Variants in AUTS2 observed in about 807,000 individuals in gnomAD.
AUTS2 encodes the protein activator of transcription and developmental regulator AUTS2, also known as autism susceptibility gene 2 protein.
A neutral mutation model predicts 112.4 loss-of-function variants in AUTS2; 17 were observed. The ratio of observed to expected loss-of-function variants is 0.15; its 90% CI spans 0.10 to 0.23. AUTS2 has a LOEUF of 0.23. Ranked by LOEUF, AUTS2 falls within the 10% of genes least tolerant of loss-of-function variation. The pLI is 1.00. For synonymous variants in AUTS2, 751 were observed against 702.7 expected (o/e 1.07, Z -1.09); for missense variants, 1,510 against 1,701.6 (o/e 0.89, Z 1.98).
chr7:70,524,447 T>C (rs1319085314), intron 5 of AUTS2, among the ~76,000 whole-genome samples: 1 of 152,190 alleles, frequency 6.6e-6, no homozygotes, highest in African/African-American at 2.4e-5. Flanking sequence ...TTGATAAATA[T>C]TTATCTTGTT....
At chr7:70,600,440 T>C (rs2129529814) in intron 5 of AUTS2, among the ~76,000 whole-genome samples, 1 of 152,192 alleles carries the variant, frequency 6.6e-6, no homozygotes, top group Non-Finnish European at 1.5e-5. Context: ...CACTCCTGGC[T>C]AATTTTTGTA....
chr7:70,209,941 T>G (rs1810770030), intron 4 of AUTS2, among the ~76,000 whole-genome samples: 2 of 151,894 alleles, frequency 1.3e-5, no homozygotes, highest in Admixed American at 1.3e-4. Flanking sequence ...AATCCCCCCC[T>G]CCACCATGAT....
intron 2 of AUTS2, among the ~76,000 whole-genome samples, chr7:69,908,952 G>C (rs1795250179): frequency 6.6e-6 from 1 of 152,186 alleles, no homozygotes; most frequent in South Asian, 2.1e-4. Flanking sequence ...CCTTGGCATA[G>C]TCCATTGGGT....
chr7:70,381,478 C>T lies in AUTS2; in HGVS notation c.661-54274C>T, dbSNP rs141821751. ...TGAGAAAGTACAACATTAAGCAAGC[C>T]TTGGGAGAAAAATTTCCCAGCATTC... On this transcript the variant is annotated intron_variant, in intron 4 of 18. Transcript: ENST00000342771. Among the ~76,000 whole-genome samples the T allele has an allele frequency of 7.8e-3, 1,189 of 152,238 alleles. 10 individuals carry two copies. Among genetic ancestry groups the T allele is most frequent in the Middle Eastern group, 0.055 (16 of 292 alleles).
At chr7:70,296,938 C>A (rs1412116036) in intron 4 of AUTS2, among the ~76,000 whole-genome samples, 1 of 148,770 alleles carries the variant, frequency 6.7e-6, no homozygotes, top group Non-Finnish European at 1.5e-5. Flanking sequence ...ACTGCTTGGG[C>A]TCAAGTGATT....
chr7:70,150,157 G>A (rs1807351531), intron 4 of AUTS2, among the ~76,000 whole-genome samples: 2 of 152,038 alleles, frequency 1.3e-5, no homozygotes, highest in African/African-American at 2.4e-5. Context: ...GTTTAATTTA[G>A]TACATTTAAA....
chr7:70,790,854 C>G lies in AUTS2; in HGVS notation c.3638C>G (p.Pro1213Arg). The G allele has an allele frequency of 6.2e-7, 1 of 1,606,816 alleles. No homozygotes were observed. Among genetic ancestry groups the G allele is most frequent in the Non-Finnish European group, 8.5e-7 (1 of 1,176,300 alleles). The change falls in exon 19 of 19, where the codon CCG becomes CGG. Residue 1213 changes from proline to arginine, a missense_variant. Coordinates refer to ENST00000342771, the MANE Select transcript of AUTS2 (RefSeq NM_015570.4). The surrounding 1 kb of genome is among the most constrained non-coding windows in gnomAD (Gnocchi z 7.6). Reference sequence around the variant, plus strand: ...AACGGACTCCTCAACAAGACCCCTCCGACAGCAGCGCTGAGCGCACCTCCC... The same window carrying G: ...AACGGACTCCTCAACAAGACCCCTCGGACAGCAGCGCTGAGCGCACCTCCC... ...NQNGLLNKTP[P>R]TAALSAPPPL... is the part of the protein sequence containing the mutation.
intron 5 of AUTS2, among the ~76,000 whole-genome samples, chr7:70,697,562 C>A (rs1585527110): frequency 7.6e-6 from 1 of 131,042 alleles, no homozygotes; most frequent in African/African-American, 2.8e-5. Context: ...TTCAGAATTC[C>A]CCCCCCCCAT....
chr7:69,995,820 T>G (rs918743471), intron 2 of AUTS2, among the ~76,000 whole-genome samples: 2 of 152,216 alleles, frequency 1.3e-5, no homozygotes, highest in African/African-American at 4.8e-5. Context: ...CCTGAAAGTT[T>G]GACAGATGCA....
intron 4 of AUTS2, among the ~76,000 whole-genome samples, chr7:70,231,295 T>A (rs979913138): frequency 3.3e-5 from 5 of 152,180 alleles, no homozygotes; most frequent in Non-Finnish European, 7.4e-5. Flanking sequence ...GAAAACACAC[T>A]CGTAATCACC....
At position 70,259,441 on chromosome 7, in the gene AUTS2, T is replaced by C. The variant is rs565325526; in HGVS notation, c.660+124870T>C. 1.5e-3 allele frequency among the ~76,000 whole-genome samples: 231 copies of C among 152,326 alleles called. 1 individual carries two copies. Among genetic ancestry groups the C allele is most frequent in the Admixed American group, 2.7e-3 (42 of 15,300 alleles). On this transcript the variant is annotated intron_variant, in intron 4 of 18. Coordinates refer to ENST00000342771, the MANE Select transcript of AUTS2 (RefSeq NM_015570.4). Reference sequence around the variant, plus strand: ...CTAAACTGACAATCAGTTCATGCCATTGGCCTCACTCATCATCATGTCAAG... The same window carrying C: ...CTAAACTGACAATCAGTTCATGCCACTGGCCTCACTCATCATCATGTCAAG...
Position 70,706,522 on chromosome 7 carries a change from A to T in AUTS2, c.742+7902A>T, listed in dbSNP as rs76135004. 8.2e-3 allele frequency among the ~76,000 whole-genome samples: 1,254 copies of T among 152,302 alleles called. 18 individuals are homozygous for T. The highest frequency in any genetic ancestry group is 0.038 in the South Asian group (185 of 4,824). On this transcript the variant is annotated intron_variant, in intron 6 of 18. Transcript: ENST00000342771. ...CTATCTGCCACAGGCCCATCCCAGAAACCTAACAAATCAGGAGCTGTTGCC... is the reference window on the plus strand; with the variant it reads ...CTATCTGCCACAGGCCCATCCCAGATACCTAACAAATCAGGAGCTGTTGCC...
At position 70,631,040 on chromosome 7, in the gene AUTS2, C is replaced by T. The variant is rs536946250; in HGVS notation, c.691-67529C>T. ...CGGCCCGGCTGGTGTCCCACAGGCT[C>T]GGCGCAGTAAGTTCAGATTATTGCT... On this transcript the variant is annotated intron_variant, in intron 5 of 18. Coordinates refer to ENST00000342771, the MANE Select transcript of AUTS2 (RefSeq NM_015570.4). The surrounding 1 kb of genome is among the most constrained non-coding windows in gnomAD (Gnocchi z 4.5). 2.1e-4 allele frequency among the ~76,000 whole-genome samples: 32 copies of T among 152,182 alleles called. No individual in the cohort carries two copies. The highest frequency in any genetic ancestry group is 3.4e-3 in the Middle Eastern group (1 of 294).
intron 1 of AUTS2, among the ~76,000 whole-genome samples, chr7:69,701,474 T>C (rs1797804049): frequency 1.3e-5 from 2 of 152,182 alleles, no homozygotes; most frequent in African/African-American, 4.8e-5. Context: ...CCTTGCAGCC[T>C]GAGCACAAGT....
chr7:69,645,367 A>G (rs1769162472), intron 1 of AUTS2, among the ~76,000 whole-genome samples: 1 of 152,176 alleles, frequency 6.6e-6, no homozygotes, highest in African/African-American at 2.4e-5. Context: ...AAGTAAGGGG[A>G]GGACTCAGAA....
chr7:69,854,785 G>A (rs540472540), intron 1 of AUTS2, among the ~76,000 whole-genome samples: 2 of 152,258 alleles, frequency 1.3e-5, no homozygotes, highest in African/African-American at 2.4e-5. Context: ...GGGATATTCA[G>A]TAATTATGTG....
At chr7:70,406,860 C>T (rs796589513) in intron 4 of AUTS2, among the ~76,000 whole-genome samples, 16 of 152,306 alleles carry the variant, frequency 1.1e-4, no homozygotes, top group African/African-American at 3.8e-4. Context: ...ACAACCCAGC[C>T]GCATCTGTGT....
At chr7:70,622,017 G>C (rs539615339) in intron 5 of AUTS2, among the ~76,000 whole-genome samples, 1 of 151,472 alleles carries the variant, frequency 6.6e-6, no homozygotes, top group Non-Finnish European at 1.5e-5. Context: ...CGGCTAATTG[G>C]TGTATTTTTT....
intron 1 of AUTS2, among the ~76,000 whole-genome samples, chr7:69,714,136 C>T (rs968013142): frequency 1.4e-4 from 21 of 151,804 alleles, no homozygotes; most frequent in African/African-American, 5.1e-4. Flanking sequence ...TCACAGCTCA[C>T]TGCAGCCTTG....
Sources: gnomAD v4.1 joint callset for allele counts (sites outside exome capture counted in the v4.1 genomes callset) on GRCh38, gnomAD v4.1.1 for gene constraint, Gnocchi (gnomAD v3.1) non-coding constraint, MANE v1.5 for transcripts, NCBI Gene and HGNC (gene_info 2026-07-23, HGNC 2026-07-21) for gene names.